RUNDC3B: variants seen among roughly 807,000 people sequenced by gnomAD.
RUNDC3B encodes RUN domain containing 3B.
RUNDC3B carries 33 observed loss-of-function variants against 58.4 expected under a neutral mutation model. The ratio of observed to expected loss-of-function variants is 0.56; its 90% CI spans 0.43 to 0.75. The LOEUF (loss-of-function observed/expected upper bound fraction) is 0.75, where lower values mean the gene tolerates loss of function less well. Ranked by LOEUF, RUNDC3B falls within the 30% of genes least tolerant of loss-of-function variation. The pLI is 0.00. For synonymous variants in RUNDC3B, 193 were observed against 195.2 expected, an observed-to-expected ratio of 0.99 and a Z score of 0.10; for missense variants, 501 against 535.7, an observed-to-expected ratio of 0.94 and a Z score of 0.64.
intron 8 of RUNDC3B, among the ~76,000 whole-genome samples, chr7:87,794,832 C>A (rs1306433558): frequency 6.6e-6 from 1 of 152,104 alleles, no homozygotes. Flanking sequence ...AATCCACATA[C>A]CTACAGTGAT....
intron 10 of RUNDC3B, among the ~76,000 whole-genome samples, chr7:87,819,747 T>C (rs1214950518): frequency 6.6e-6 from 1 of 151,960 alleles, no homozygotes; most frequent in Non-Finnish European, 1.5e-5. Flanking sequence ...TCAAAACCGC[T>C]CAACTACATG....
At chr7:87,727,702 G>A (rs1295079173) in intron 4 of RUNDC3B, among the ~76,000 whole-genome samples, 1 of 152,030 alleles carries the variant, frequency 6.6e-6, no homozygotes, top group African/African-American at 2.4e-5. Flanking sequence ...TTTCTTAGTT[G>A]TGGCATATAA....
intron 6 of RUNDC3B, among the ~76,000 whole-genome samples, chr7:87,759,479 A>T (rs1309040998): frequency 6.6e-6 from 1 of 152,140 alleles, no homozygotes. Context: ...AAAGAGTGGA[A>T]TTGGAATGTT....
rs1831552584 is a variant in RUNDC3B, at chr7:87,731,137, T to C, written c.459-8654T>C. ...TATAAACAATCCAAGACTGCAAAAA[T>C]TACAATCAATATCTAACTCTTCAAT... is the stretch of plus-strand genomic sequence containing the variant. On this transcript the variant is annotated intron_variant, in intron 4 of 10. Coordinates refer to ENST00000394654, the MANE Select transcript of RUNDC3B (RefSeq NM_001134405.2). 2.0e-5 allele frequency among the ~76,000 whole-genome samples: 3 copies of C among 151,648 alleles called. No individual in the cohort carries two copies. The South Asian group carries it at 6.2e-4, about 32-fold the overall frequency.
At chr7:87,797,888 G>T (rs1323133344) in intron 8 of RUNDC3B, among the ~76,000 whole-genome samples, 2 of 152,162 alleles carry the variant, frequency 1.3e-5, no homozygotes, top group African/African-American at 2.4e-5. Flanking sequence ...ATAAAGGGAT[G>T]ATGTCAATGT....
intron 4 of RUNDC3B, among the ~76,000 whole-genome samples, chr7:87,723,247 T>C (rs1032739749): frequency 1.3e-5 from 2 of 151,930 alleles, no homozygotes; most frequent in Non-Finnish European, 2.9e-5. Flanking sequence ...AATAAAGAAA[T>C]GTCTGTCAGA....
rs78170192 is a variant in RUNDC3B, at chr7:87,718,269, A to G, written c.458+7614A>G. On this transcript the variant is annotated intron_variant, in intron 4 of 10. Transcript: ENST00000394654. Reference sequence around the variant, plus strand: ...TCCCTCAGCAACAACTTTGGACAACATACATGAAATGCTGTCCACCAGGGA... The same window carrying G: ...TCCCTCAGCAACAACTTTGGACAACGTACATGAAATGCTGTCCACCAGGGA... 4.8e-3 allele frequency among the ~76,000 whole-genome samples: 736 copies of G among 152,302 alleles called. 3 individuals carry two copies. Among genetic ancestry groups the G allele is most frequent in the African/African-American group, 0.017 (697 of 41,560 alleles).
In RUNDC3B at chr7:87,703,914, G is replaced by GTTTTTTTTTTTTTT. The variant is rs35797972; in HGVS notation, c.372+3373_372+3386dup. ...TTTTTTTTTTTTTTTTTTTTTTTTG[G>GTTTTTTTTTTTTTT]TTTTTTTTTTTTTTTTTTTTTTTTT... On this transcript the variant is annotated intron_variant, in intron 3 of 10. Transcript: ENST00000394654. 2.2e-3 allele frequency among the ~76,000 whole-genome samples: 95 copies of GTTTTTTTTTTTTTT among 42,982 alleles called. 2 individuals are homozygous for GTTTTTTTTTTTTTT. Among genetic ancestry groups the GTTTTTTTTTTTTTT allele is most frequent in the Middle Eastern group, 0.022 (1 of 46 alleles). 28.2% of individuals were successfully genotyped at this position (42,982 alleles called of 152,430 possible).
chr7:87,663,505 T>A (rs952938142), intron 2 of RUNDC3B, among the ~76,000 whole-genome samples: 7 of 152,170 alleles, frequency 4.6e-5, no homozygotes, highest in African/African-American at 1.7e-4. Context: ...TTATTTTCAG[T>A]AAATTTCTCA....
In RUNDC3B at chr7:87,731,008, G is replaced by A. The variant is rs1584031690; in HGVS notation, c.459-8783G>A. Among the ~76,000 whole-genome samples, 6 of 152,254 alleles carry A rather than the reference G, an allele frequency of 3.9e-5. No homozygotes were observed. The East Asian group carries it at 9.7e-4, about 25-fold the overall frequency. On this transcript the variant is annotated intron_variant, in intron 4 of 10. Transcript: ENST00000394654. ...AGTCTGAAAGAGCCACAGTATTTTTGTGCATGGGGTGCTTCCTGATGCCTA... is the reference window on the plus strand; with the variant it reads ...AGTCTGAAAGAGCCACAGTATTTTTATGCATGGGGTGCTTCCTGATGCCTA...
intron 4 of RUNDC3B, among the ~76,000 whole-genome samples, chr7:87,718,026 A>G (rs1424744230): frequency 1.3e-5 from 2 of 152,170 alleles, no homozygotes; most frequent in African/African-American, 4.8e-5. Context: ...TTGATACAAT[A>G]TTAGGAAATT....
At chr7:87,799,973 T>C (rs1386817645) in intron 8 of RUNDC3B, among the ~76,000 whole-genome samples, 1 of 151,902 alleles carries the variant, frequency 6.6e-6, no homozygotes, top group Non-Finnish European at 1.5e-5. Context: ...TTGCTGATGC[T>C]AGTAATTTTT....
chr7:87,641,370 G>A lies in RUNDC3B; in HGVS notation c.123-9452G>A, dbSNP rs371518065. ...TCATCTTCCTCCATAAGATTGAGTA[G>A]CAGCTGATTGCTTTCATCCAATCAG... On this transcript the variant is annotated intron_variant, in intron 1 of 10. Coordinates refer to ENST00000394654, the MANE Select transcript of RUNDC3B (RefSeq NM_001134405.2). Among the ~76,000 whole-genome samples, 4 of 152,284 alleles carry A rather than the reference G, an allele frequency of 2.6e-5. No individual in the cohort carries two copies. The East Asian group carries it at 5.8e-4, about 22-fold the overall frequency.
chr7:87,661,080 G>T (rs1222513740), intron 2 of RUNDC3B, among the ~76,000 whole-genome samples: 2 of 151,336 alleles, frequency 1.3e-5, no homozygotes, highest in Non-Finnish European at 3.0e-5. Flanking sequence ...TTGATATTAG[G>T]TATTTTAAAT....
At chr7:87,803,882 G>A (rs1281296481) in intron 8 of RUNDC3B, among the ~76,000 whole-genome samples, 1 of 152,000 alleles carries the variant, frequency 6.6e-6, no homozygotes, top group East Asian at 1.9e-4. Flanking sequence ...TCCATATAAG[G>A]CCTCAAGCTG....
At chr7:87,696,781 A>T (rs536763685) in intron 2 of RUNDC3B, among the ~76,000 whole-genome samples, 1 of 152,274 alleles carries the variant, frequency 6.6e-6, no homozygotes, top group Admixed American at 6.5e-5. Context: ...GAAAGTCATG[A>T]TGATATGCCG....
At chr7:87,685,820 A>G (rs1827402693) in intron 2 of RUNDC3B, among the ~76,000 whole-genome samples, 2 of 152,208 alleles carry the variant, frequency 1.3e-5, no homozygotes, top group African/African-American at 2.4e-5. Context: ...GAATAAATGT[A>G]TAACTCCCCC....
intron 1 of RUNDC3B, among the ~76,000 whole-genome samples, chr7:87,629,904 C>G (rs1821029436): frequency 1.4e-5 from 2 of 146,222 alleles, no homozygotes; most frequent in Non-Finnish European, 3.0e-5. Flanking sequence ...GCCGGGACCA[C>G]AGGGGGAGAC....
intron 6 of RUNDC3B, among the ~76,000 whole-genome samples, chr7:87,751,447 T>C (rs372235930): frequency 6.6e-6 from 1 of 152,212 alleles, no homozygotes; most frequent in African/African-American, 2.4e-5. Context: ...GGGGATGGCA[T>C]TGAATCTGTA....
Sources: gnomAD v4.1 joint callset for allele counts (sites outside exome capture counted in the v4.1 genomes callset) on GRCh38, gnomAD v4.1.1 for gene constraint, MANE v1.5 for transcripts, NCBI Gene and HGNC (gene_info 2026-07-23, HGNC 2026-07-21) for gene names.